The following FCRL4 variants were observed in gnomAD, a reference collection of about 807,000 sequenced individuals.
FCRL4 encodes Fc receptor-like protein 4.
A neutral mutation model predicts 64.1 loss-of-function variants in FCRL4; 43 were observed. The observed-to-expected ratio is 0.67, with a 90% confidence interval of 0.53 to 0.87. FCRL4 has a LOEUF of 0.87. Ranked by LOEUF, FCRL4 falls within the 40% of genes least tolerant of loss-of-function variation. The pLI is 0.00. For synonymous variants in FCRL4, 253 were observed against 239.8 expected, an observed-to-expected ratio of 1.05 and a Z score of -0.51; for missense variants, 656 against 613.5, an observed-to-expected ratio of 1.07 and a Z score of -0.73.
chr1:157,578,646 C>T (rs1175136935), intron 9 of FCRL4, 104 bp from the exon 10 acceptor site: 9 of 1,394,128 alleles, frequency 6.5e-6, no homozygotes, highest in East Asian at 2.3e-5. Flanking sequence ...CATAATGGAA[C>T]AATTATCTGG....
At chr1:157,581,251 C>A (rs1218759543) in intron 7 of FCRL4, among the ~76,000 whole-genome samples, 1 of 152,218 alleles carries the variant, frequency 6.6e-6, no homozygotes, top group Non-Finnish European at 1.5e-5. Flanking sequence ...GTAAACTGTT[C>A]AGATAAAGTT....
At chr1:157,586,800 A>C (rs1297230112) in intron 5 of FCRL4, among the ~76,000 whole-genome samples, 1 of 152,224 alleles carries the variant, frequency 6.6e-6, no homozygotes, top group African/African-American at 2.4e-5. Context: ...TGTTTTCAAA[A>C]GTCATAATTT....
chr1:157,585,394 C>CTTTCTTCCTTT (rs1558155158), intron 6 of FCRL4, among the ~76,000 whole-genome samples: 1 of 76,006 alleles, frequency 1.3e-5, no homozygotes, highest in African/African-American at 4.6e-5. Context: ...TTCTTTCTTT[C>CTTTCTTCCTTT]CTTCTTTCTT....
chr1:157,580,229 G>T, intron 8 of FCRL4, 92 bp downstream of exon 8: 1 of 1,342,166 alleles, frequency 7.5e-7, no homozygotes, highest in South Asian at 1.2e-5. Flanking sequence ...CAGGGCCAAA[G>T]AGGTATAACT....
chr1:157,585,257 C>CTTTT (rs1652647880), intron 6 of FCRL4, among the ~76,000 whole-genome samples: 2 of 150,108 alleles, frequency 1.3e-5, no homozygotes, highest in Non-Finnish European at 3.0e-5. Flanking sequence ...TCCTTTCTTT[C>CTTTT]CTTTCTTTCC....
At chr1:157,584,318 C>T (rs1201971797) in intron 6 of FCRL4, among the ~76,000 whole-genome samples, 1 of 151,980 alleles carries the variant, frequency 6.6e-6, no homozygotes, top group Admixed American at 6.6e-5. Flanking sequence ...CCATTGAGCC[C>T]TGGAATTCAA....
chr1:157,587,574 G>A lies in FCRL4; in HGVS notation c.563-14C>T. ...GTGGAAATAGTTCTAGAGAGAAGAG[G>A]TAAGTCAAGTTCTGAGCACGAGAGT... On this transcript the variant is annotated splice_polypyrimidine_tract_variant and intron_variant, in intron 4 of 11. Transcript: ENST00000271532. 2 of 1,610,584 alleles carry A rather than the reference G, an allele frequency of 1.2e-6. No homozygotes were observed. The highest frequency in any genetic ancestry group is 1.1e-5 in the South Asian group (1 of 90,960).
intron 5 of FCRL4, among the ~76,000 whole-genome samples, chr1:157,587,002 C>CTTGTT (rs974252435): frequency 9.6e-5 from 14 of 145,798 alleles, no homozygotes; most frequent in Admixed American, 8.2e-4. Flanking sequence ...ACCTCATTTT[C>CTTGTT]TTGTTTTGTT....
rs756300258 is a variant in FCRL4, at chr1:157,587,347, T to C, written c.776A>G (p.Tyr259Cys). ...PTVWRENSGS[Y>C]WCGAETVRGN... ...CCTCACTGTTTCAGCACCACACCAA[T>C]AGGATCCTGAGTTTTCTCTCCAGAC... The change falls in exon 5 of 12, where the codon TAT becomes TGT. Residue 259 changes from tyrosine (Y) to cysteine (C), a missense_variant. By Grantham distance (194) the Tyr-to-Cys change is radical. Coordinates refer to ENST00000271532, the MANE Select transcript of FCRL4 (RefSeq NM_031282.3). 1.2e-6 allele frequency: 2 copies of C among 1,614,030 alleles called. No homozygotes were observed. Among genetic ancestry groups the C allele is most frequent in the African/African-American group, 2.7e-5 (2 of 74,924 alleles).
At chr1:157,593,108 G>T (rs1170256386) in intron 2 of FCRL4, among the ~76,000 whole-genome samples, 1 of 152,200 alleles carries the variant, frequency 6.6e-6, no homozygotes, top group Non-Finnish European at 1.5e-5. Flanking sequence ...CTGGGGGACA[G>T]ATAGCATTAG....
At chr1:157,580,574 T>C in intron 7 of FCRL4, 1 of 528,030 alleles carries the variant, frequency 1.9e-6, no homozygotes, top group East Asian at 3.3e-5. Context: ...TGTCTGAGAA[T>C]TTATTAAGAC....
chr1:157,587,490 G>T lies in FCRL4; in HGVS notation c.633C>A (p.Ser211Arg). ...GCTCTGGAGGAAGCTGTGTTTCACA[G>T]CTCAGGTTTACAGAATTCCCCTCTG... ...QPTEGNSVNL[S>R]CETQLPPERS... Residue 211 changes from serine to arginine, a missense_variant, in exon 5 of 12, where the codon AGC becomes AGA. By Grantham distance (110) the Ser-to-Arg change is moderately radical. Coordinates refer to ENST00000271532, the MANE Select transcript of FCRL4 (RefSeq NM_031282.3). 6.2e-7 allele frequency: 1 copy of T among 1,614,218 alleles called. No homozygotes were observed. Among genetic ancestry groups the T allele is most frequent in the Non-Finnish European group, 8.5e-7 (1 of 1,179,996 alleles).
chr1:157,578,503 T>G lies in FCRL4; in HGVS notation c.1400A>C (p.Gln467Pro). 1 of 1,614,018 alleles carries G rather than the reference T, an allele frequency of 6.2e-7. No individual in the cohort carries two copies. Residue 467 changes from glutamine (Q) to proline (P), a missense_variant, in exon 10 of 12, where the codon CAG becomes CCG. Physicochemically the swap from Gln to Pro is moderately conservative, Grantham distance 76. Transcript: ENST00000271532. ...CTCTTCTTCTCCCAGCTGAGTAGTC[T>G]GGATCTCAGAGTATACCAAATCTCC... ...KKGDLVYSEIQTTQLGEEEEA... is the reference protein window; with the variant it reads ...KKGDLVYSEIPTTQLGEEEEA...
intron 2 of FCRL4, among the ~76,000 whole-genome samples, chr1:157,595,930 C>T (rs1009953960): frequency 6.6e-6 from 1 of 152,218 alleles, no homozygotes; most frequent in Non-Finnish European, 1.5e-5. Flanking sequence ...AAATTTGTTA[C>T]ACATGGTTAG....
Position 157,598,000 on chromosome 1 carries a change from C to CAA in FCRL4, c.-57_-56insTT, listed in dbSNP as rs1557794957. ...TCTGAGGAGACAAGCCAGGTCAGCC[C>CAA]AGATTGCCAAAGCAGCACTTGCCTA... On this transcript the variant is annotated 5_prime_UTR_variant, in exon 1 of 12. Coordinates refer to ENST00000271532, the MANE Select transcript of FCRL4 (RefSeq NM_031282.3). The CAA allele has an allele frequency of 6.9e-7, 1 of 1,454,992 alleles. No homozygotes were observed. The highest frequency in any genetic ancestry group is 9.6e-7 in the Non-Finnish European group (1 of 1,039,078). 90.1% of individuals were successfully genotyped at this position (1,454,992 alleles called of 1,614,324 possible). A position where few individuals can be genotyped will look rare whatever the true frequency, so the allele number is the denominator to read the frequency against.
intron 9 of FCRL4, 93 bp downstream of exon 9, chr1:157,578,677 C>T: frequency 2.1e-6 from 3 of 1,440,540 alleles, no homozygotes; most frequent in Non-Finnish European, 2.9e-6. Context: ...ATTTGGGACA[C>T]TTTAGGGAGT....
At chr1:157,589,737 C>T (rs1277928421) in intron 2 of FCRL4, among the ~76,000 whole-genome samples, 2 of 152,200 alleles carry the variant, frequency 1.3e-5, no homozygotes, top group Non-Finnish European at 2.9e-5. Flanking sequence ...AACCCTCTTA[C>T]TTGTTTCAGT....
At chr1:157,582,347 G>A (rs987456915) in intron 6 of FCRL4, among the ~76,000 whole-genome samples, 1 of 152,176 alleles carries the variant, frequency 6.6e-6, no homozygotes, top group Non-Finnish European at 1.5e-5. Flanking sequence ...AGACCCAAGA[G>A]TGAACAAGAC....
chr1:157,578,157 C>T (rs1013821643), intron 10 of FCRL4, among the ~76,000 whole-genome samples: 1 of 152,116 alleles, frequency 6.6e-6, no homozygotes, highest in Non-Finnish European at 1.5e-5. Context: ...ATGCTTACCA[C>T]ATAGTAGACA....
Sources: allele counts gnomAD v4.1 joint callset (sites outside exome capture counted in the v4.1 genomes callset), GRCh38; gene constraint gnomAD v4.1.1; transcripts MANE v1.5; gene names NCBI Gene and HGNC (gene_info 2026-07-23, HGNC 2026-07-21).